The following PSAT1 variants were observed in gnomAD, a reference collection of about 807,000 sequenced individuals.
The protein encoded by PSAT1 is phosphoserine aminotransferase 1.
PSAT1 carries 41 observed loss-of-function variants against 40.3 expected under a neutral mutation model. The ratio of observed to expected loss-of-function variants is 1.02; its 90% CI spans 0.79 to 1.32. The LOEUF (loss-of-function observed/expected upper bound fraction) is 1.32, where lower values mean the gene tolerates loss of function less well. Among genes scored for constraint, PSAT1 ranks in the 40% most tolerant of loss-of-function variants. The probability of loss-of-function intolerance (pLI) is 0.00; values close to 1 mark genes in which losing one functional copy is unlikely to be tolerated. For missense variants in PSAT1, 406 were observed against 455.8 expected (o/e 0.89, Z 0.99); for synonymous variants, 147 against 170.5 (o/e 0.86, Z 1.07).
Position 78,303,345 on chromosome 9 carries a change from A to C in PSAT1, c.191+1322A>C, listed in dbSNP as rs142928553. Among the ~76,000 whole-genome samples, 743 of 152,292 alleles carry C rather than the reference A, an allele frequency of 4.9e-3. 5 individuals are homozygous for C. Among genetic ancestry groups the C allele is most frequent in the African/African-American group, 0.017 (714 of 41,564 alleles). On this transcript the variant is annotated intron_variant, in intron 3 of 8. Transcript: ENST00000376588. ...TCTCTCGTCCATTGGCCTGCTGAGT[A>C]TCATGTCACATTCATAGGACAATCC... is the stretch of plus-strand genomic sequence containing the variant.
intron 1 of PSAT1, 74 bp from the exon 2 acceptor site, chr9:78,300,528 C>CA: frequency 1.3e-6 from 2 of 1,528,896 alleles, no homozygotes; most frequent in Non-Finnish European, 8.8e-7. Flanking sequence ...GTCCCCTCGT[C>CA]AGGTTTGTAT....
In PSAT1 at chr9:78,314,223, CCT is replaced by C. The variant is rs531942500; in HGVS notation, c.741-3452_741-3451del. 2.8e-3 allele frequency among the ~76,000 whole-genome samples: 401 copies of C among 143,086 alleles called. 2 individuals are homozygous for C. The highest frequency in any genetic ancestry group is 9.5e-3 in the African/African-American group (370 of 39,108). 93.9% of individuals were successfully genotyped at this position (143,086 alleles called of 152,430 possible). ...ATAAAGAACTGGAAGCCACGAGGGT[CCT>C]GTGTTAAGTAGAGCCACAGGGGCTA... On this transcript the variant is annotated intron_variant, in intron 6 of 8. Transcript: ENST00000376588.
intron 7 of PSAT1, among the ~76,000 whole-genome samples, chr9:78,325,725 T>C (rs992165532): frequency 6.6e-6 from 1 of 152,166 alleles, no homozygotes; most frequent in Non-Finnish European, 1.5e-5. Flanking sequence ...TCCCTTAATC[T>C]TTTTTTCTCC....
Position 78,329,063 on chromosome 9 carries a change from T to A in PSAT1, c.1090T>A (p.Phe364Ile), listed in dbSNP as rs1179781327. 6.2e-7 allele frequency: 1 copy of A among 1,611,712 alleles called. No homozygotes were observed. The highest frequency in any genetic ancestry group is 2.2e-5 in the East Asian group (1 of 44,864). The change falls in exon 9 of 9, where the codon TTT becomes ATT. Residue 364 changes from phenylalanine (F) to isoleucine (I), a missense_variant. Coordinates refer to ENST00000376588, the MANE Select transcript of PSAT1 (RefSeq NM_058179.4). ...GAAGCTGGCCGCCTTCATGAAAAAA[T>A]TTTTGGAGATGCATCAGCTATGAAC... ...VQKLAAFMKK[F>I]LEMHQL
At chr9:78,320,983 T>A (rs2118692883) in intron 7 of PSAT1, among the ~76,000 whole-genome samples, 1 of 145,876 alleles carries the variant, frequency 6.9e-6, no homozygotes, top group South Asian at 2.2e-4. Flanking sequence ...TAAGAAAGCA[T>A]AGAAGGAATT....
Position 78,328,218 on chromosome 9 carries a change from C to T in PSAT1, c.1007+30C>T, listed in dbSNP as rs773259105. 5 of 1,613,636 alleles carry T rather than the reference C, an allele frequency of 3.1e-6. No individual in the cohort carries two copies. The South Asian group carries it at 5.5e-5, about 18-fold the overall frequency. ...GTACATCTGCAATGCACGAGCTTGGCAAAGAATTAGCTTAGTTTTTCAAAT... is the reference window on the plus strand; with the variant it reads ...GTACATCTGCAATGCACGAGCTTGGTAAAGAATTAGCTTAGTTTTTCAAAT... On this transcript the variant is annotated intron_variant, in intron 8 of 8. Coordinates refer to ENST00000376588, the MANE Select transcript of PSAT1 (RefSeq NM_058179.4).
chr9:78,316,090 C>T lies in PSAT1; in HGVS notation c.741-1586C>T, dbSNP rs1828339121. Reference sequence around the variant, plus strand: ...TGAGTACACGTGGAGCCTTTAGCACCTTCTTAAGGAGAGGGGTTTTCAGAC... The same window carrying T: ...TGAGTACACGTGGAGCCTTTAGCACTTTCTTAAGGAGAGGGGTTTTCAGAC... On this transcript the variant is annotated intron_variant, in intron 6 of 8. Transcript: ENST00000376588. 2.0e-5 allele frequency among the ~76,000 whole-genome samples: 3 copies of T among 152,192 alleles called. No individual in the cohort carries two copies. In the South Asian group the frequency reaches 6.2e-4, roughly 31 times the overall value.
chr9:78,326,607 A>T (rs1253397498), intron 7 of PSAT1, among the ~76,000 whole-genome samples: 1 of 152,202 alleles, frequency 6.6e-6, no homozygotes, highest in East Asian at 1.9e-4. Context: ...ATTAACAGGT[A>T]CTTATATAGC....
chr9:78,316,789 C>T (rs7865732), intron 6 of PSAT1, among the ~76,000 whole-genome samples: 2,781 of 152,248 alleles, frequency 0.018, 89 homozygotes, highest in African/African-American at 0.062. Context: ...AGGGGGAGCC[C>T]GTCCTTTTAA....
intron 3 of PSAT1, among the ~76,000 whole-genome samples, 190 bp from the exon 4 acceptor site, chr9:78,304,545 C>T (rs1828152733): frequency 6.6e-6 from 1 of 152,178 alleles, no homozygotes; most frequent in Non-Finnish European, 1.5e-5. Context: ...TCAACACAGT[C>T]TCCAGTAAAT....
chr9:78,320,322 TTCCATCCATCCATCTA>T (rs1422725073), intron 7 of PSAT1, among the ~76,000 whole-genome samples: 2 of 146,086 alleles, frequency 1.4e-5, no homozygotes, highest in African/African-American at 5.2e-5. Context: ...TCCATCAATC[TTCCATCCATCCATCTA>T]TCCATCCATC....
intron 1 of PSAT1, among the ~76,000 whole-genome samples, chr9:78,299,126 C>G (rs1347098335): frequency 3.0e-5 from 3 of 98,796 alleles, no homozygotes; most frequent in Non-Finnish European, 1.8e-5. Flanking sequence ...GGTGATAGAG[C>G]AAGACCCTGT....
At chr9:78,325,097 T>A (rs944516) in intron 7 of PSAT1, among the ~76,000 whole-genome samples, 21,719 of 152,098 alleles carry the variant, frequency 0.14, 1,718 homozygotes, top group East Asian at 0.29. Flanking sequence ...GAGGTGCAGC[T>A]TTCAGGAATG....
chr9:78,301,609 C>T (rs1359430347), intron 2 of PSAT1, among the ~76,000 whole-genome samples: 1 of 152,098 alleles, frequency 6.6e-6, no homozygotes, highest in African/African-American at 2.4e-5. Flanking sequence ...GAATTTTGTG[C>T]TCCAGACCTA....
intron 1 of PSAT1, chr9:78,298,345 A>G (rs1051513304): frequency 1.0e-6 from 1 of 984,894 alleles, no homozygotes; most frequent in African/African-American, 1.7e-5. Flanking sequence ...TACAATTATC[A>G]ATTGTTGAGC....
intron 5 of PSAT1, among the ~76,000 whole-genome samples, chr9:78,307,390 T>C (rs1828200230): frequency 6.6e-6 from 1 of 152,274 alleles, no homozygotes; most frequent in African/African-American, 2.4e-5. Flanking sequence ...CATGTTGTAC[T>C]GTGTGTCAGA....
intron 3 of PSAT1, among the ~76,000 whole-genome samples, chr9:78,302,757 A>AG: frequency 7.6e-6 from 1 of 131,694 alleles, no homozygotes; most frequent in East Asian, 2.3e-4. Flanking sequence ...AAAAAAAAAA[A>AG]AAAATCAAGT....
intron 2 of PSAT1, among the ~76,000 whole-genome samples, chr9:78,301,111 G>C (rs1273656247): frequency 6.6e-6 from 1 of 152,024 alleles, no homozygotes; most frequent in Non-Finnish European, 1.5e-5. Context: ...GGCCTTTATA[G>C]ATACATTTTT....
In PSAT1 at chr9:78,328,108, T is replaced by G; in HGVS notation, c.927T>G (p.Asn309Lys). The change falls in exon 8 of 9, where the codon AAT (asparagine) becomes AAG (lysine). Residue 309 changes from asparagine (N) to lysine (K), a missense_variant. Asn to Lys is a moderately conservative substitution (Grantham distance 94). Coordinates refer to ENST00000376588, the MANE Select transcript of PSAT1 (RefSeq NM_058179.4). ...TGAATATTCCATTCCGCATTGGCAA[T>G]GCCAAAGGAGATGATGCTTTAGAAA... ...SKMNIPFRIG[N>K]AKGDDALEKR... 1.9e-6 allele frequency: 3 copies of G among 1,612,240 alleles called. 1 individual carries two copies. In the South Asian group the frequency reaches 3.3e-5, roughly 18 times the overall value.
Sources: gnomAD v4.1 joint callset for allele counts (sites outside exome capture counted in the v4.1 genomes callset) on GRCh38, gnomAD v4.1.1 for gene constraint, MANE v1.5 for transcripts, NCBI Gene and HGNC (gene_info 2026-07-23, HGNC 2026-07-21) for gene names.